ANKRD45: variants seen among roughly 807,000 people sequenced by gnomAD.
ANKRD45 encodes the protein ankyrin repeat domain-containing protein 45.
In ANKRD45, 21 loss-of-function variants were observed where a neutral mutation model predicts 28.1. The ratio of observed to expected loss-of-function variants is 0.75; its 90% CI spans 0.53 to 1.08. The LOEUF is 1.08. Ranked by LOEUF, ANKRD45 falls within the 50% of genes least tolerant of loss-of-function variation. ANKRD45 has a pLI of 0.00. For synonymous variants in ANKRD45, 86 were observed against 103.9 expected, an observed-to-expected ratio of 0.83 and a Z score of 1.05; for missense variants, 261 against 308.7, an observed-to-expected ratio of 0.85 and a Z score of 1.16.
At chr1:173,646,217 T>A (rs868590598) in intron 3 of ANKRD45, among the ~76,000 whole-genome samples, 1 of 152,194 alleles carries the variant, frequency 6.6e-6, no homozygotes, top group Non-Finnish European at 1.5e-5. Context: ...ATAGTACTAT[T>A]TTTTGAACTT....
intron 3 of ANKRD45, among the ~76,000 whole-genome samples, chr1:173,637,998 G>T (rs1442744911): frequency 6.6e-6 from 1 of 152,070 alleles, no homozygotes; most frequent in Non-Finnish European, 1.5e-5. Context: ...AGGCTTGCAG[G>T]ACCACAGTGA....
chr1:173,707,378 G>C, the ANKRD45 span, among the ~76,000 whole-genome samples: 1 of 151,362 alleles, frequency 6.6e-6, no homozygotes, highest in Non-Finnish European at 1.5e-5. Context: ...TATCACCCAG[G>C]CTGAAGTGCA....
the ANKRD45 span, among the ~76,000 whole-genome samples, chr1:173,682,107 A>T: frequency 6.6e-6 from 1 of 151,956 alleles, no homozygotes; most frequent in Non-Finnish European, 1.5e-5. Context: ...AACCTATCAT[A>T]GATTGTATAA....
rs1183187199 is a variant in ANKRD45, at chr1:173,659,171, G to T, written c.248C>A (p.Ala83Glu). Reference protein sequence around the residue: ...EDIVGRNLLYAACMAGQSDVI... With the variant: ...EDIVGRNLLYEACMAGQSDVI... ...GTCACTTTGCCCAGCCATGCAAGCT[G>T]CATACAACAAATTTCTCCCAACGAT... The change falls in exon 2 of 6, where the codon GCA (alanine) becomes GAA (glutamate). Residue 83 changes from alanine to glutamate, a missense_variant. Ala to Glu is a moderately radical substitution (Grantham distance 107). Transcript: ENST00000333279. 1 of 1,614,020 alleles carries T rather than the reference G, an allele frequency of 6.2e-7. No individual in the cohort carries two copies. Among genetic ancestry groups the T allele is most frequent in the African/African-American group, 1.3e-5 (1 of 74,904 alleles).
At chr1:173,630,893 GGAAGGAAGGAAA>G (rs1668169370) in intron 3 of ANKRD45, among the ~76,000 whole-genome samples, 1 of 149,480 alleles carries the variant, frequency 6.7e-6, no homozygotes, top group Non-Finnish European at 1.5e-5. Flanking sequence ...AAGGAAGACA[GGAAGGAAGGAAA>G]GAAGGAAGAT....
the ANKRD45 span, among the ~76,000 whole-genome samples, chr1:173,688,553 T>A: frequency 7.1e-6 from 1 of 140,364 alleles, no homozygotes; most frequent in African/African-American, 2.9e-5. Context: ...TCTCCCTCTC[T>A]GCCTCTTCCT....
chr1:173,648,876 G>A (rs1394094198), intron 2 of ANKRD45, among the ~76,000 whole-genome samples: 2 of 152,078 alleles, frequency 1.3e-5, no homozygotes, highest in Admixed American at 6.5e-5. Flanking sequence ...TTTTATAGAT[G>A]AAGAAACCAT....
chr1:173,665,206 A>C (rs1669956347), intron 1 of ANKRD45, among the ~76,000 whole-genome samples: 1 of 152,070 alleles, frequency 6.6e-6, no homozygotes. Flanking sequence ...GTCTTGCTAC[A>C]TTGCACAGGC....
chr1:173,704,718 C>T, the ANKRD45 span, among the ~76,000 whole-genome samples: 4 of 152,194 alleles, frequency 2.6e-5, no homozygotes, highest in Admixed American at 2.6e-4. Flanking sequence ...TGGTCCAATA[C>T]CAAAATCCCA....
At chr1:173,657,790 C>A (rs1669611468) in intron 2 of ANKRD45, 1 of 151,322 alleles carries the variant, frequency 6.6e-6, no homozygotes, top group Non-Finnish European at 1.5e-5. Flanking sequence ...TTTTCAATGT[C>A]ATTAATTTAT....
At chr1:173,689,571 C>T in the ANKRD45 span, among the ~76,000 whole-genome samples, 1 of 152,248 alleles carries the variant, frequency 6.6e-6, no homozygotes, top group East Asian at 1.9e-4. Context: ...TTTCAACATT[C>T]CTTGCCCAAG....
rs1668907139 is a variant in ANKRD45, at chr1:173,646,061, A to T, written c.496+785T>A. Among the ~76,000 whole-genome samples the T allele has an allele frequency of 2.0e-5, 3 of 152,346 alleles. No homozygotes were observed. The South Asian group carries it at 6.2e-4, about 32-fold the overall frequency. On this transcript the variant is annotated intron_variant, in intron 3 of 5. Transcript: ENST00000333279. ...GGAATTCAATAAATGCTTGCTAAAA[A>T]CAGGAATGCAGATAACCATGCAAAA...
the ANKRD45 span, among the ~76,000 whole-genome samples, chr1:173,682,851 C>T: frequency 2.6e-5 from 4 of 152,204 alleles, no homozygotes; most frequent in African/African-American, 9.6e-5. Flanking sequence ...ACAGCCATTG[C>T]TCTTTCAGTT....
At chr1:173,690,818 G>A in the ANKRD45 span, among the ~76,000 whole-genome samples, 15 of 152,180 alleles carry the variant, frequency 9.9e-5, no homozygotes, top group African/African-American at 3.4e-4. Flanking sequence ...GATGGTTTTG[G>A]GGTAAGGTTC....
chr1:173,608,587 T>G lies in ANKRD45; in HGVS notation c.*1558A>C, dbSNP rs1263903489. Among the ~76,000 whole-genome samples the G allele has an allele frequency of 6.6e-6, 1 of 151,640 alleles. No individual in the cohort carries two copies. The highest frequency in any genetic ancestry group is 1.5e-5 in the Non-Finnish European group (1 of 67,930). ...GCCTGCCTTGGCCTCCCAAAGTTCTTGGATTACAGGTGTGAGCCAGCACCC... is the reference window on the plus strand; with the variant it reads ...GCCTGCCTTGGCCTCCCAAAGTTCTGGGATTACAGGTGTGAGCCAGCACCC... On this transcript the variant is annotated 3_prime_UTR_variant, in exon 6 of 6. Transcript: ENST00000333279.
the ANKRD45 span, among the ~76,000 whole-genome samples, chr1:173,713,302 C>G: frequency 6.6e-6 from 1 of 152,194 alleles, no homozygotes; most frequent in Non-Finnish European, 1.5e-5. Context: ...TGGAGGAGAT[C>G]TGATCTAGCC....
chr1:173,635,767 AT>A, intron 3 of ANKRD45: 1 of 1,535,520 alleles, frequency 6.5e-7, no homozygotes, highest in Non-Finnish European at 8.7e-7. Context: ...TTTATAATTT[AT>A]TACAAGCTGT....
chr1:173,636,151 T>C (rs545526610), intron 3 of ANKRD45, among the ~76,000 whole-genome samples: 1 of 152,274 alleles, frequency 6.6e-6, no homozygotes, highest in African/African-American at 2.4e-5. Context: ...GTCTGGGTCC[T>C]TAGGTAAGTC....
chr1:173,703,702 C>T, the ANKRD45 span, among the ~76,000 whole-genome samples: 1 of 152,242 alleles, frequency 6.6e-6, no homozygotes, highest in African/African-American at 2.4e-5. Flanking sequence ...AATTTCCTCT[C>T]ACCTCTGCAG....
Sources: gnomAD v4.1 joint callset for allele counts (sites outside exome capture counted in the v4.1 genomes callset) on GRCh38, gnomAD v4.1.1 for gene constraint, MANE v1.5 for transcripts, NCBI Gene and HGNC (gene_info 2026-07-23, HGNC 2026-07-21) for gene names.